Variants in ABCA2 observed in about 807,000 individuals in gnomAD.
ABCA2 encodes ATP binding cassette subfamily A member 2, also known as ATP-binding cassette sub-family A member 2.
A neutral mutation model predicts 262.8 loss-of-function variants in ABCA2; 84 were observed. That is an observed-to-expected ratio of 0.32 (90% CI 0.27 to 0.38). ABCA2 has a LOEUF of 0.38. ABCA2 is among the 10% of genes least tolerant of loss of function. The probability of loss-of-function intolerance (pLI) is 1.00; values close to 1 mark genes in which losing one functional copy is unlikely to be tolerated. For missense variants in ABCA2, 2,662 were observed against 3,405.9 expected (o/e 0.78, Z 5.44); for synonymous variants, 1,696 against 1,502.9 (o/e 1.13, Z -2.97).
Position 137,011,145 on chromosome 9 carries a change from C to A in ABCA2, c.5924-40G>T. ...CTCAGGGCCTGTGCTCTGGGCCTTG[C>A]GGGGCCCCCACCGCCTTCCCCGCCC... is the stretch of plus-strand genomic sequence containing the variant. On this transcript the variant is annotated intron_variant, in intron 38 of 48. Transcript: ENST00000341511. The surrounding 1 kb of genome is among the most constrained non-coding windows in gnomAD (Gnocchi z 8.8). 1 of 1,612,062 alleles carries A rather than the reference C, an allele frequency of 6.2e-7. No individual in the cohort carries two copies. Among genetic ancestry groups the A allele is most frequent in the Non-Finnish European group, 8.5e-7 (1 of 1,179,632 alleles).
chr9:137,010,745 G>T lies in ABCA2; in HGVS notation c.6057-8C>A. 1.2e-6 allele frequency: 2 copies of T among 1,609,632 alleles called. No homozygotes were observed. Among genetic ancestry groups the T allele is most frequent in the South Asian group, 1.1e-5 (1 of 91,002 alleles). On this transcript the variant is annotated splice_region_variant and splice_polypyrimidine_tract_variant and intron_variant, in intron 39 of 48. Coordinates refer to ENST00000341511, the MANE Select transcript of ABCA2 (RefSeq NM_001606.5). ...GTAGACACAGGCATGCGCCTTGGGG[G>T]ACAGGGTGGACAGTGTCCAGCAGCT...
chr9:137,009,709 G>T, intron 43 of ABCA2, 60 bp downstream of exon 43: 4 of 1,610,512 alleles, frequency 2.5e-6, no homozygotes, highest in African/African-American at 1.3e-5. Flanking sequence ...CGCTGCCCCT[G>T]CCCGTGCTCA....
chr9:137,019,198 G>A lies in ABCA2; in HGVS notation c.1534C>T (p.His512Tyr). ...GGCACCTGCTGCAGCCAGCGCAGGTGTTGCTGCAGCCTGCCCTGCTCCAGG... is the reference window on the plus strand; with the variant it reads ...GGCACCTGCTGCAGCCAGCGCAGGTATTGCTGCAGCCTGCCCTGCTCCAGG... Reference protein sequence around the residue: ...SFLEQGRLQQHLRWLQQYVAE... With the variant: ...SFLEQGRLQQYLRWLQQYVAE... The change falls in exon 11 of 49, where the codon CAC (histidine) becomes TAC (tyrosine). Residue 512 changes from histidine (H) to tyrosine (Y), a missense_variant. Transcript: ENST00000341511. The surrounding 1 kb of genome is among the most constrained non-coding windows in gnomAD (Gnocchi z 4.4). 1.2e-6 allele frequency: 2 copies of A among 1,612,596 alleles called. No homozygotes were observed. The highest frequency in any genetic ancestry group is 1.1e-5 in the South Asian group (1 of 91,082).
rs372438067 is a variant in ABCA2, at chr9:137,018,801, G to A, written c.1737C>T (p.Ile579=). ...TCTCCTCGTCGGGGAAGCCCTTGAA[G>A]ATGTCCACGCTCACCTAGCGGGAGG... ...IQFMSKVSVD[I]FKGFPDEESI... Residue 579 remains isoleucine (I), a synonymous_variant, in exon 13 of 49, where the codon ATC becomes ATT. Transcript: ENST00000341511. 9 of 1,612,662 alleles carry A rather than the reference G, an allele frequency of 5.6e-6. No individual in the cohort carries two copies. The highest frequency in any genetic ancestry group is 2.2e-5 in the East Asian group (1 of 44,892).
At chr9:137,012,970 C>CT in intron 30 of ABCA2, 32 bp downstream of exon 30, 1 of 1,480,810 alleles carries the variant, frequency 6.8e-7, no homozygotes, top group South Asian at 1.3e-5. Context: ...CTCACTGCCC[C>CT]TGCCCCCCCA....
chr9:137,028,446 C>T (rs1311329423), upstream of ABCA2, among the ~76,000 whole-genome samples: 1 of 149,920 alleles, frequency 6.7e-6, no homozygotes, highest in Admixed American at 6.6e-5. The surrounding 1 kb of genome is among the most constrained non-coding windows in gnomAD (Gnocchi z 6.9). Flanking sequence ...GGGAAGCCTC[C>T]GGGCCGCCCC....
At chr9:137,013,775 TC>T in intron 28 of ABCA2, 56 bp downstream of exon 28, 1 of 1,535,848 alleles carries the variant, frequency 6.5e-7, no homozygotes, top group East Asian at 2.4e-5. Flanking sequence ...TCATCAGGGC[TC>T]CCAGCGGGCG....
rs761317489 is a variant in ABCA2 at position 137,014,089 on chromosome 9, T to C, written c.4241-51A>G. ...AGGTGGTTGCACGCTACCCTCTCCC[T>C]ACTGGCTGCCCTCATGCCGCTCCCC... On this transcript the variant is annotated intron_variant, in intron 27 of 48. Coordinates refer to ENST00000341511, the MANE Select transcript of ABCA2 (RefSeq NM_001606.5). The C allele has an allele frequency of 2.6e-5, 42 of 1,595,800 alleles. No homozygotes were observed. The African/African-American group carries it at 4.7e-4, about 18-fold the overall frequency.
chr9:137,011,610 G>T lies in ABCA2; in HGVS notation c.5651+24C>A, dbSNP rs1000096093. On this transcript the variant is annotated intron_variant, in intron 36 of 48. Transcript: ENST00000341511. The surrounding 1 kb of genome is among the most constrained non-coding windows in gnomAD (Gnocchi z 8.8). Reference sequence around the variant, plus strand: ...GGCAGCCCCGGTCCCACCTGAGGCCGCTCCCCCCTCCGCTTCCGCTTACCC... The same window carrying T: ...GGCAGCCCCGGTCCCACCTGAGGCCTCTCCCCCCTCCGCTTCCGCTTACCC... 1.1e-5 allele frequency: 17 copies of T among 1,553,694 alleles called. No homozygotes were observed. The highest frequency in any genetic ancestry group is 1.5e-5 in the Non-Finnish European group (17 of 1,149,060).
At position 137,019,767 on chromosome 9, in the gene ABCA2, C is replaced by T. The variant is rs2176675; in HGVS notation, c.1426-461G>A. ...CTCAGGTGAAACCTGCTTTGCCCTCCACTCCCAGGGCAGCACGGCCTCCGG... is the reference window on the plus strand; with the variant it reads ...CTCAGGTGAAACCTGCTTTGCCCTCTACTCCCAGGGCAGCACGGCCTCCGG... On this transcript the variant is annotated intron_variant, in intron 10 of 48. Coordinates refer to ENST00000341511, the MANE Select transcript of ABCA2 (RefSeq NM_001606.5). This position sits in a 1 kb window ranked among gnomAD's most constrained non-coding sequence, Gnocchi z 4.4. 0.19 allele frequency: 37,011 copies of T among 195,386 alleles called. 4,197 individuals are homozygous for T. Among genetic ancestry groups the T allele is most frequent in the Middle Eastern group, 0.25 (99 of 404 alleles). 12.1% of individuals were successfully genotyped at this position (195,386 alleles called of 1,614,324 possible).
In ABCA2 at chr9:137,009,761, G is replaced by C. The variant is rs1267858501; in HGVS notation, c.6630+8C>G. The C allele has an allele frequency of 1.2e-6, 2 of 1,610,374 alleles. No homozygotes were observed. The highest frequency in any genetic ancestry group is 2.2e-5 in the South Asian group (2 of 90,902). ...CAGGCAGCCACCCCCCACCCACCCAGGACTTACCAGGAAGATGAAGGCTGG... is the reference window on the plus strand; with the variant it reads ...CAGGCAGCCACCCCCCACCCACCCACGACTTACCAGGAAGATGAAGGCTGG... On this transcript the variant is annotated splice_region_variant and intron_variant, in intron 43 of 48. Transcript: ENST00000341511.
In ABCA2 at chr9:137,011,008, G is replaced by C; in HGVS notation, c.6021C>G (p.Thr2007=). The C allele has an allele frequency of 6.2e-7, 1 of 1,603,874 alleles. No individual in the cohort carries two copies. The change falls in exon 39 of 49, where the codon ACC becomes ACG. Residue 2007 remains threonine (T), a synonymous_variant. Coordinates refer to ENST00000341511, the MANE Select transcript of ABCA2 (RefSeq NM_001606.5). This position sits in a 1 kb window ranked among gnomAD's most constrained non-coding sequence, Gnocchi z 8.8. ...AVEGVVGFLL[T]IMCQYNFLRR... ...GCAGGAAGTTGTACTGGCACATGATGGTCAGGAGGAAGCCCACGACGCCCT... is the reference window on the plus strand; with the variant it reads ...GCAGGAAGTTGTACTGGCACATGATCGTCAGGAGGAAGCCCACGACGCCCT...
rs888901030 is a variant in ABCA2, at chr9:137,007,632, G to A, written c.*297C>T. The stretch of plus-strand genomic sequence containing the variant: ...TGGTCCAGCCGGCGTCGCCTTGGGC[G>A]GTGAGCAGTGCCAGGCAGGGGCGAG... On this transcript the variant is annotated 3_prime_UTR_variant, in exon 49 of 49. Transcript: ENST00000341511. 28 of 515,486 alleles carry A rather than the reference G, an allele frequency of 5.4e-5. No individual in the cohort carries two copies. Among genetic ancestry groups the A allele is most frequent in the Middle Eastern group, 1.1e-3 (2 of 1,894 alleles). 31.9% of individuals were successfully genotyped at this position (515,486 alleles called of 1,614,324 possible).
chr9:137,023,460 T>G lies in ABCA2; in HGVS notation c.163+378A>C, dbSNP rs746872195. Reference sequence around the variant, plus strand: ...ACCTCTGGCCAGCTGGTTAGCAGAGTGAGTGCAAGAGCCTGAAGGAGTATG... The same window carrying G: ...ACCTCTGGCCAGCTGGTTAGCAGAGGGAGTGCAAGAGCCTGAAGGAGTATG... On this transcript the variant is annotated intron_variant, in intron 3 of 48. Transcript: ENST00000341511. 21 of 717,348 alleles carry G rather than the reference T, an allele frequency of 2.9e-5. No homozygotes were observed. In the African/African-American group the frequency reaches 3.1e-4, roughly 11 times the overall value. The allele number at this position is 717,348 out of a possible 1,614,324, so 44.4% of individuals were successfully genotyped here. A position where few individuals can be genotyped will look rare whatever the true frequency, so the allele number is the denominator to read the frequency against.
Position 137,020,986 on chromosome 9 carries a change from C to G in ABCA2, c.973G>C (p.Gly325Arg). ...ACCTTCTGGGCATCCAGCAGGTCCC[C>G]CAGAAGCGCCTGCAGCCTCCGTGGG... is the stretch of plus-strand genomic sequence containing the variant. ...PPPRRLQALL[G>R]DLLDAQKVLQ... The change falls in exon 9 of 49, where the codon GGG (glycine) becomes CGG (arginine). Residue 325 changes from glycine (G) to arginine (R), a missense_variant. Gly to Arg is a moderately radical substitution (Grantham distance 125, BLOSUM62 -2). Transcript: ENST00000341511. 6.5e-7 allele frequency: 1 copy of G among 1,526,876 alleles called. No homozygotes were observed. Among genetic ancestry groups the G allele is most frequent in the Non-Finnish European group, 8.8e-7 (1 of 1,136,144 alleles). 94.6% of individuals were successfully genotyped at this position (1,526,876 alleles called of 1,614,324 possible). A position where few individuals can be genotyped will look rare whatever the true frequency, so the allele number is the denominator to read the frequency against.
rs776393568 is a variant in ABCA2, at chr9:137,017,122, G to A, written c.2556C>T (p.Ser852=). 23 of 1,612,164 alleles carry A rather than the reference G, an allele frequency of 1.4e-5. No homozygotes were observed. The Middle Eastern group carries it at 4.9e-4, about 35-fold the overall frequency. ...GACCAAAGGCCGTCGTGGACATGAG[G>A]GACTGAGAAGGCAGTGGTGTCAGCA... ...KITAFEKCIA[S]LMSTTAFGLG... is the part of the protein sequence containing the mutation. Residue 852 remains serine, a splice_region_variant and synonymous_variant, in exon 19 of 49, where the codon TCC becomes TCT. Transcript: ENST00000341511.
Position 137,012,915 on chromosome 9 carries a change from C to A in ABCA2, c.4878G>T (p.Thr1626=). 6.6e-7 allele frequency: 1 copy of A among 1,521,598 alleles called. No homozygotes were observed. Among genetic ancestry groups the A allele is most frequent in the Admixed American group, 2.1e-5 (1 of 48,608 alleles). 94.3% of individuals were successfully genotyped at this position (1,521,598 alleles called of 1,614,324 possible). The change falls in exon 31 of 49, where the codon ACG becomes ACT. Residue 1626 remains threonine (T), a synonymous_variant. Transcript: ENST00000341511. ...CCAGGCGCGGCAGGGAGGGTGCCGA[C>A]GTCCACATTTCTGTGGGCACAGCAT... ...LPPTAGPEMW[T]SAPSLPRLVR...
chr9:137,008,900 G>GCCCCCCCCCCCCCCGAGCGC, intron 46 of ABCA2, 32 bp from the exon 47 acceptor site: 53 of 1,554,796 alleles, frequency 3.4e-5, no homozygotes, highest in Non-Finnish European at 4.3e-5. Context: ...GCCTGGCAGC[G>GCCCCCCCCCCCCCCGAGCGC]CCCCCCCACC....
At position 137,015,953 on chromosome 9, in the gene ABCA2, C is replaced by T; in HGVS notation, c.3317+9G>A. The stretch of plus-strand genomic sequence containing the variant: ...CCCACCTGCCCCGCCCCCCGCCCAG[C>T]CCACCCACTTGTCCATCTCTCTGCG... On this transcript the variant is annotated intron_variant, in intron 22 of 48. Transcript: ENST00000341511. The T allele has an allele frequency of 1.4e-6, 1 of 697,182 alleles. No individual in the cohort carries two copies. The allele number at this position is 697,182 out of a possible 1,614,324, so 43.2% of individuals were successfully genotyped here.
Sources: gnomAD v4.1 joint callset for allele counts (sites outside exome capture counted in the v4.1 genomes callset) on GRCh38, gnomAD v4.1.1 for gene constraint, Gnocchi (gnomAD v3.1) non-coding constraint, MANE v1.5 for transcripts, NCBI Gene and HGNC (gene_info 2026-07-23, HGNC 2026-07-21) for gene names.